GDAP2: variants seen among roughly 807,000 people sequenced by gnomAD.
GDAP2 encodes ganglioside induced differentiation associated protein 2, also known as ganglioside-induced differentiation-associated protein 2.
A neutral mutation model predicts 67.0 loss-of-function variants in GDAP2; 51 were observed. The observed-to-expected ratio is 0.76, with a 90% CI of 0.61 to 0.96. The LOEUF is 0.96. Ranked by LOEUF, GDAP2 falls within the 40% of genes least tolerant of loss-of-function variation. GDAP2 has a pLI of 0.00. For synonymous variants in GDAP2, 203 were observed against 207.3 expected, an observed-to-expected ratio of 0.98 and a Z score of 0.18; for missense variants, 547 against 588.3, an observed-to-expected ratio of 0.93 and a Z score of 0.73.
chr1:117,881,678 A>G, intron 12 of GDAP2, 145 bp downstream of exon 12: 1 of 639,446 alleles, frequency 1.6e-6, no homozygotes, highest in Non-Finnish European at 2.8e-6. Flanking sequence ...AAACATCAGG[A>G]CCACAACTCA....
At chr1:117,927,221 T>C (rs1273198885) in intron 1 of GDAP2, among the ~76,000 whole-genome samples, 3 of 150,946 alleles carry the variant, frequency 2.0e-5, no homozygotes, top group East Asian at 3.9e-4. Context: ...TGTAACTTGT[T>C]TTTTTTTTCC....
At chr1:117,889,843 A>G (rs1317358214) in intron 8 of GDAP2, among the ~76,000 whole-genome samples, 12 of 152,106 alleles carry the variant, frequency 7.9e-5, no homozygotes, top group Admixed American at 7.9e-4. Context: ...AGTATCTAGC[A>G]CAAAGCATAT....
chr1:117,920,412 C>T lies in GDAP2; in HGVS notation c.-55G>A. ...AAAATCCTCAGCAATTCAATATTCA[C>T]TGGAGACTTTAGCTTTAAGAGAAAA... On this transcript the variant is annotated 5_prime_UTR_variant, in exon 2 of 14. The change creates a new upstream start codon in the 5' untranslated region. Coordinates refer to ENST00000369443, the MANE Select transcript of GDAP2 (RefSeq NM_017686.4). 1 of 1,083,690 alleles carries T rather than the reference C, an allele frequency of 9.2e-7. No homozygotes were observed. The highest frequency in any genetic ancestry group is 1.4e-6 in the Non-Finnish European group (1 of 731,050). 67.1% of individuals were successfully genotyped at this position (1,083,690 alleles called of 1,614,324 possible). A position where few individuals can be genotyped will look rare whatever the true frequency, so the allele number is the denominator to read the frequency against.
At chr1:117,890,533 T>C (rs535076261) in intron 8 of GDAP2, among the ~76,000 whole-genome samples, 2 of 152,156 alleles carry the variant, frequency 1.3e-5, no homozygotes, top group East Asian at 3.9e-4. Context: ...ATAACTGGTA[T>C]ATGCATGGTC....
chr1:117,877,358 TAAAC>T (rs1321353879), intron 13 of GDAP2: 7 of 983,284 alleles, frequency 7.1e-6, no homozygotes, highest in African/African-American at 7.0e-5. Flanking sequence ...CAGCAACAGT[TAAAC>T]AATCAGCTTG....
At position 117,865,061 on chromosome 1, in the gene GDAP2, C is replaced by T. The variant is rs2101109162; in HGVS notation, c.*5508G>A. 6.6e-6 allele frequency: 1 copy of T among 152,268 alleles called. No individual in the cohort carries two copies. The highest frequency in any genetic ancestry group is 2.1e-4 in the South Asian group (1 of 4,820). The allele number at this position is 152,268 out of a possible 1,614,324, so 9.4% of individuals were successfully genotyped here. On this transcript the variant is annotated 3_prime_UTR_variant, in exon 14 of 14. Transcript: ENST00000369443. Reference sequence around the variant, plus strand: ...TAGAAACTGATAATCCCAGAGGCCACCCCAGAACTATTGAATCTGAATCTC... The same window carrying T: ...TAGAAACTGATAATCCCAGAGGCCATCCCAGAACTATTGAATCTGAATCTC...
rs542533234 is a variant in GDAP2, at chr1:117,889,885, A to G, written c.954-2111T>C. On this transcript the variant is annotated intron_variant, in intron 8 of 13. Transcript: ENST00000369443. ...ATTCAATTAATACCTATTAACTTCT[A>G]TACTCTGTTCATGTATCCATTGGCT... Among the ~76,000 whole-genome samples the G allele has an allele frequency of 2.5e-3, 388 of 152,238 alleles. 2 individuals carry two copies. Among genetic ancestry groups the G allele is most frequent in the African/African-American group, 8.9e-3 (369 of 41,562 alleles).
At chr1:117,894,431 G>T (rs1182314897) in intron 8 of GDAP2, among the ~76,000 whole-genome samples, 1 of 152,160 alleles carries the variant, frequency 6.6e-6, no homozygotes, top group Non-Finnish European at 1.5e-5. Context: ...GGTAAAAACA[G>T]CTGGTAATAG....
chr1:117,918,831 CA>C, intron 2 of GDAP2, 95 bp from the exon 3 acceptor site: 1 of 1,069,810 alleles, frequency 9.3e-7, no homozygotes, highest in Non-Finnish European at 1.4e-6. Flanking sequence ...TTGTCTTTTT[CA>C]AAATGTTGGT....
intron 8 of GDAP2, among the ~76,000 whole-genome samples, chr1:117,894,784 C>T (rs1267144445): frequency 6.6e-6 from 1 of 152,054 alleles, no homozygotes; most frequent in Non-Finnish European, 1.5e-5. Flanking sequence ...TAAAGTGACC[C>T]TGACATTTCA....
intron 1 of GDAP2, among the ~76,000 whole-genome samples, chr1:117,927,725 C>A (rs1650501707): frequency 6.6e-6 from 1 of 152,108 alleles, no homozygotes; most frequent in African/African-American, 2.4e-5. Context: ...CTGAAGTAGT[C>A]AAATATGTCA....
chr1:117,877,363 A>AT, intron 13 of GDAP2: 1 of 984,140 alleles, frequency 1.0e-6, no homozygotes, highest in East Asian at 1.1e-4. Context: ...ACAGTTAAAC[A>AT]ATCAGCTTGA....
intron 1 of GDAP2, among the ~76,000 whole-genome samples, chr1:117,924,633 C>T (rs76440559): frequency 0.012 from 1,753 of 152,176 alleles, 33 homozygotes; most frequent in African/African-American, 0.04. Context: ...ATCAACACTG[C>T]GGAACAGGAA....
chr1:117,908,658 C>T (rs1007440880), intron 5 of GDAP2, among the ~76,000 whole-genome samples: 10 of 151,706 alleles, frequency 6.6e-5, no homozygotes, highest in Admixed American at 1.3e-4. Flanking sequence ...CTGTGTTTAC[C>T]AAATTTTTTT....
At chr1:117,907,598 A>G (rs1312416136) in intron 5 of GDAP2, among the ~76,000 whole-genome samples, 2 of 152,180 alleles carry the variant, frequency 1.3e-5, no homozygotes, top group African/African-American at 4.8e-5. Context: ...ATTGTCTTTG[A>G]TGCTTCCTTT....
intron 8 of GDAP2, among the ~76,000 whole-genome samples, chr1:117,888,980 T>C (rs10489595): frequency 0.056 from 8,569 of 152,218 alleles, 586 homozygotes; most frequent in African/African-American, 0.16. Flanking sequence ...AAACACAGTG[T>C]TACTGCATTA....
rs1648122018 is a variant in GDAP2, at chr1:117,867,647, A to G, written c.*2922T>C. On this transcript the variant is annotated 3_prime_UTR_variant, in exon 14 of 14. Coordinates refer to ENST00000369443, the MANE Select transcript of GDAP2 (RefSeq NM_017686.4). ...AACCTGGGAGGCCGAGGCTGCAGTGAGCCGAGATCACACCATTGCACTCCA... is the reference window on the plus strand; with the variant it reads ...AACCTGGGAGGCCGAGGCTGCAGTGGGCCGAGATCACACCATTGCACTCCA... 1 of 151,512 alleles carries G rather than the reference A, an allele frequency of 6.6e-6. No homozygotes were observed. The highest frequency in any genetic ancestry group is 1.5e-5 in the Non-Finnish European group (1 of 68,024). The allele number at this position is 151,512 out of a possible 1,614,324, so 9.4% of individuals were successfully genotyped here.
At chr1:117,922,921 A>G (rs1650308604) in intron 1 of GDAP2, among the ~76,000 whole-genome samples, 2 of 152,206 alleles carry the variant, frequency 1.3e-5, no homozygotes, top group South Asian at 4.1e-4. Flanking sequence ...CCCTATCTAC[A>G]CCTGCATAAG....
chr1:117,882,536 A>T (rs891143751), intron 11 of GDAP2, among the ~76,000 whole-genome samples: 1 of 152,112 alleles, frequency 6.6e-6, no homozygotes, highest in Non-Finnish European at 1.5e-5. Flanking sequence ...AGATTTTTTC[A>T]ACAGTTCAGT....
Sources: gnomAD v4.1 joint callset for allele counts (sites outside exome capture counted in the v4.1 genomes callset) on GRCh38, gnomAD v4.1.1 for gene constraint, MANE v1.5 for transcripts, NCBI Gene and HGNC (gene_info 2026-07-23, HGNC 2026-07-21) for gene names.